Variants in NBPF12 observed in about 807,000 individuals in gnomAD.
The protein encoded by NBPF12 is NBPF member 12.
NBPF12 carries 115 observed loss-of-function variants against 146.4 expected under a neutral mutation model. The ratio of observed to expected loss-of-function variants is 0.79; its 90% confidence interval spans 0.68 to 0.92. The LOEUF (loss-of-function observed/expected upper bound fraction) is 0.92. Ranked by LOEUF, NBPF12 falls within the 40% of genes least tolerant of loss-of-function variation. The pLI is 0.00. For synonymous variants in NBPF12, 385 were observed against 508.9 expected (o/e 0.76, Z 3.28); for missense variants, 1,205 against 1,326.8 (o/e 0.91, Z 1.43).
intron 1 of NBPF12, among the ~76,000 whole-genome samples, chr1:146,941,695 A>G (rs1446908546): frequency 5.5e-5 from 8 of 144,156 alleles, no homozygotes; most frequent in Admixed American, 7.0e-5. Context: ...CGGAGGTTGC[A>G]TTGAGCCGAG....
At chr1:146,986,138 C>CCTCT (rs1181047928) in intron 23 of NBPF12, among the ~76,000 whole-genome samples, 1 of 150,718 alleles carries the variant, frequency 6.6e-6, no homozygotes, top group Non-Finnish European at 1.5e-5. Flanking sequence ...CTCACTTTCT[C>CCTCT]CTCTCTCTCT....
upstream of NBPF12, among the ~76,000 whole-genome samples, chr1:146,948,159 T>C (rs1218252003): frequency 6.6e-6 from 1 of 151,954 alleles, no homozygotes; most frequent in Non-Finnish European, 1.5e-5. Context: ...TACAGGCGCC[T>C]GCTACCACAC....
chr1:146,966,416 A>C (rs1274574309), intron 8 of NBPF12, 48 bp from the exon 12 acceptor site: 3 of 1,343,342 alleles, frequency 2.2e-6, no homozygotes, highest in East Asian at 2.3e-5. Flanking sequence ...AGCCTACTTG[A>C]TTTCACCAGT....
At chr1:146,967,327 C>T (rs1656271617) in intron 9 of NBPF12, among the ~76,000 whole-genome samples, 1 of 150,458 alleles carries the variant, frequency 6.6e-6, no homozygotes, top group South Asian at 2.1e-4. Context: ...ATGGAGAAAC[C>T]CCATCTCCAC....
intron 10 of NBPF12, 45 bp downstream of exon 13, chr1:146,968,595 T>A: frequency 1.3e-6 from 2 of 1,533,830 alleles, no homozygotes; most frequent in Non-Finnish European, 1.8e-6. Context: ...GGTGTGTAAA[T>A]CTCTGAAGTA....
intron 14 of NBPF12, among the ~76,000 whole-genome samples, chr1:146,973,989 G>A (rs1181065180): frequency 1.3e-5 from 2 of 150,838 alleles, no homozygotes; most frequent in Admixed American, 6.6e-5. Context: ...TGCTTGTCTT[G>A]TCTGTCCCTC....
chr1:146,938,594 A>T (rs1311229675), upstream of NBPF12: 4 of 152,046 alleles, frequency 2.6e-5, no homozygotes, highest in African/African-American at 9.7e-5. Flanking sequence ...CGGTAGAGGC[A>T]GCCGGGTCCC....
At chr1:146,940,600 A>G (rs1391103457) in intron 1 of NBPF12, among the ~76,000 whole-genome samples, 17 of 151,958 alleles carry the variant, frequency 1.1e-4, no homozygotes, top group Admixed American at 3.3e-4. Context: ...TACTAAATGA[A>G]CCACCACAGA....
chr1:146,956,586 T>C (rs1425371243), intron 2 of NBPF12, among the ~76,000 whole-genome samples: 2 of 151,722 alleles, frequency 1.3e-5, no homozygotes, highest in Non-Finnish European at 2.9e-5. Flanking sequence ...TAAAACATAA[T>C]AGAGATTAAT....
exon 8 of NBPF12, chr1:146,964,953 C>A: frequency 6.2e-7 from 1 of 1,608,384 alleles, no homozygotes; most frequent in Non-Finnish European, 8.5e-7. Context: ...AATGTGCCAT[C>A]ACTTGTTCAA....
At chr1:146,981,632 A>G (rs1391329623) in intron 19 of NBPF12, among the ~76,000 whole-genome samples, 2 of 151,854 alleles carry the variant, frequency 1.3e-5, no homozygotes, top group Non-Finnish European at 2.9e-5. Flanking sequence ...CCTCCTGGAT[A>G]ATATCCTGAA....
chr1:146,938,845 T>G (rs1654647181), exon 1 of NBPF12: 1 of 152,588 alleles, frequency 6.6e-6, no homozygotes, highest in South Asian at 2.1e-4. Context: ...CTGCCTGAGC[T>G]TCTGAGTGAG....
chr1:146,980,760 C>A (rs1320797722), intron 19 of NBPF12, among the ~76,000 whole-genome samples: 1 of 147,360 alleles, frequency 6.8e-6, no homozygotes, highest in African/African-American at 2.5e-5. Context: ...TACCATTTGA[C>A]CCAGCCATCC....
At chr1:146,970,762 T>C in intron 12 of NBPF12, 43 bp downstream of exon 15, 1 of 1,283,742 alleles carries the variant, frequency 7.8e-7, no homozygotes, top group Non-Finnish European at 1.1e-6. Context: ...TGTTAACATA[T>C]GAAAATGTCT....
At chr1:146,966,227 A>G (rs1322396832) in intron 8 of NBPF12, among the ~76,000 whole-genome samples, 2 of 152,048 alleles carry the variant, frequency 1.3e-5, no homozygotes, top group African/African-American at 2.4e-5. Context: ...CTTGCTTTAT[A>G]GAAACGTATA....
chr1:146,975,404 G>T (rs1258230199), intron 15 of NBPF12, among the ~76,000 whole-genome samples: 2 of 149,414 alleles, frequency 1.3e-5, no homozygotes, highest in Non-Finnish European at 2.9e-5. Context: ...ATGTCTTTTT[G>T]AAACGGAATT....
intron 4 of NBPF12, among the ~76,000 whole-genome samples, chr1:146,961,337 C>T (rs1169349896): frequency 1.3e-5 from 2 of 151,352 alleles, no homozygotes; most frequent in Non-Finnish European, 2.9e-5. Context: ...CTCCTGGGCT[C>T]CATCCAAGTT....
At position 146,971,171 on chromosome 1, in the gene NBPF12, C is replaced by G; in HGVS notation, c.1380-12C>G. On this transcript the variant is annotated splice_polypyrimidine_tract_variant and intron_variant, in intron 12 of 33. Coordinates refer to ENST00000617844, the Ensembl canonical transcript of NBPF12. ...TAATCTTCTGTCATCTCTGTCCCAC[C>G]TGGCTCATCAGGGAGATGCAGAAGG... 1 of 1,611,098 alleles carries G rather than the reference C, an allele frequency of 6.2e-7. No homozygotes were observed.
intron 19 of NBPF12, among the ~76,000 whole-genome samples, chr1:146,980,197 C>G (rs1354481730): frequency 6.6e-6 from 1 of 151,936 alleles, no homozygotes; most frequent in Non-Finnish European, 1.5e-5. Flanking sequence ...TTATTTTGAG[C>G]CTATGTGTGT....
Sources: allele counts gnomAD v4.1 joint callset (sites outside exome capture counted in the v4.1 genomes callset), GRCh38; gene constraint gnomAD v4.1.1; transcripts MANE v1.5; gene names NCBI Gene and HGNC (gene_info 2026-07-23, HGNC 2026-07-21).